The following DUSP22 variants were observed in gnomAD, a reference collection of about 807,000 sequenced individuals.
DUSP22 encodes the protein dual specificity protein phosphatase 22.
Under a neutral mutation model 24.5 loss-of-function variants are expected in DUSP22, and 24 were observed. That is an observed-to-expected ratio of 0.98 (90% CI 0.71 to 1.38). The LOEUF (loss-of-function observed/expected upper bound fraction) is 1.38, where lower values mean the gene tolerates loss of function less well. Among genes scored for constraint, DUSP22 ranks in the 40% most tolerant of loss-of-function variants. The pLI is 0.00. For missense variants in DUSP22, 330 were observed against 269.2 expected (o/e 1.23, Z -1.58); for synonymous variants, 160 against 106.4 (o/e 1.50, Z -3.10).
intron 2 of DUSP22, among the ~76,000 whole-genome samples, chr6:307,018 C>T (rs980789794): frequency 7.2e-5 from 11 of 152,306 alleles, no homozygotes; most frequent in Non-Finnish European, 1.2e-4. Context: ...CATGGGAGCC[C>T]GATCGATGCC....
chr6:348,537 A>C, intron 6 of DUSP22: 7 of 856,416 alleles, frequency 8.2e-6, no homozygotes, highest in Non-Finnish European at 1.2e-5. Context: ...TGGGTGACGT[A>C]CCATTTCCTT....
intron 3 of DUSP22, among the ~76,000 whole-genome samples, chr6:332,638 G>GTCC (rs1445445935): frequency 3.6e-4 from 52 of 143,684 alleles, no homozygotes; most frequent in African/African-American, 1.3e-3. Context: ...TTCTCTTCCT[G>GTCC]TCCTTCTTTT....
chr6:329,738 C>G (rs1356956216), intron 3 of DUSP22, among the ~76,000 whole-genome samples: 1 of 152,308 alleles, frequency 6.6e-6, no homozygotes, highest in African/African-American at 2.4e-5. Context: ...AGGCATGAGC[C>G]ACCATGCCCA....
Position 299,680 on chromosome 6 carries a change from T to C in DUSP22, c.22-4948T>C, listed in dbSNP as rs565946114. 2.0e-5 allele frequency among the ~76,000 whole-genome samples: 3 copies of C among 152,422 alleles called. No homozygotes were observed. The South Asian group carries it at 6.2e-4, about 32-fold the overall frequency. ...CTTCTCTTTACATTACTTAAAAATA[T>C]TTAAAATGTATGTAAAATACTCATC... On this transcript the variant is annotated intron_variant, in intron 1 of 6. Transcript: ENST00000419235.
At chr6:336,703 G>A (rs1759375428) in intron 4 of DUSP22, among the ~76,000 whole-genome samples, 1 of 152,306 alleles carries the variant, frequency 6.6e-6, no homozygotes. Flanking sequence ...ACAGAAAGGT[G>A]AACGTTTAAG....
intron 5 of DUSP22, among the ~76,000 whole-genome samples, chr6:347,223 T>A (rs1352155913): frequency 6.6e-6 from 1 of 152,308 alleles, no homozygotes; most frequent in East Asian, 1.9e-4. Flanking sequence ...CTCCTGGTAG[T>A]TCTAATCTAA....
At chr6:332,496 CT>C (rs1328671144) in intron 3 of DUSP22, among the ~76,000 whole-genome samples, 1 of 152,312 alleles carries the variant, frequency 6.6e-6, no homozygotes, top group East Asian at 1.9e-4. Flanking sequence ...TGAGTTGGTC[CT>C]TTTGCTCATC....
intron 4 of DUSP22, among the ~76,000 whole-genome samples, chr6:336,358 T>C (rs913184321): frequency 6.6e-6 from 1 of 152,306 alleles, no homozygotes; most frequent in Non-Finnish European, 1.5e-5. Flanking sequence ...GATTCCCCTT[T>C]TATGCCCCAA....
chr6:350,258 T>C lies in DUSP22; in HGVS notation c.*1307T>C, dbSNP rs1760132145. On this transcript the variant is annotated 3_prime_UTR_variant, in exon 7 of 7. Coordinates refer to ENST00000419235, the MANE Select transcript of DUSP22 (RefSeq NM_001286555.3). ...GGCTCCAGTAATGCTTTCTGGTGGGTAAAATTCCACATTCAGGCCACGAGA... is the reference window on the plus strand; with the variant it reads ...GGCTCCAGTAATGCTTTCTGGTGGGCAAAATTCCACATTCAGGCCACGAGA... The C allele has an allele frequency of 2.1e-5, 21 of 988,986 alleles. No individual in the cohort carries two copies. Among genetic ancestry groups the C allele is most frequent in the Non-Finnish European group, 2.5e-5 (21 of 832,426 alleles). The allele number at this position is 988,986 out of a possible 1,614,324, so 61.3% of individuals were successfully genotyped here.
chr6:324,422 C>G (rs535084316), intron 3 of DUSP22, among the ~76,000 whole-genome samples: 1 of 152,308 alleles, frequency 6.6e-6, no homozygotes, highest in South Asian at 2.1e-4. Flanking sequence ...CAGTGAGTGC[C>G]GCGGAGCACA....
intron 1 of DUSP22, among the ~76,000 whole-genome samples, chr6:301,084 T>TAGG (rs1266856226): frequency 6.6e-6 from 1 of 152,418 alleles, no homozygotes; most frequent in Non-Finnish European, 1.5e-5. Flanking sequence ...AGCAAAGGCT[T>TAGG]ACGTGAGCAG....
chr6:323,970 G>A (rs1581169657), intron 3 of DUSP22, among the ~76,000 whole-genome samples: 1 of 152,308 alleles, frequency 6.6e-6, no homozygotes, highest in Non-Finnish European at 1.5e-5. Context: ...ACTATGGAAT[G>A]GCTCCACCCT....
At chr6:296,214 T>C (rs369402584) in intron 1 of DUSP22, among the ~76,000 whole-genome samples, 499 of 152,250 alleles carry the variant, frequency 3.3e-3, no homozygotes, top group Middle Eastern at 0.014. Flanking sequence ...TGTTTGTGTG[T>C]GCAATTCCTA....
At position 348,443 on chromosome 6, in the gene DUSP22, C is replaced by T. The variant is rs2102545; in HGVS notation, c.435+169C>T. The T allele has an allele frequency of 2.2e-3, 2,532 of 1,160,620 alleles. 1 individual carries two copies. In the African/African-American group the frequency reaches 0.023, roughly 11 times the overall value. 71.9% of individuals were successfully genotyped at this position (1,160,620 alleles called of 1,614,324 possible). On this transcript the variant is annotated intron_variant, in intron 6 of 6. Coordinates refer to ENST00000419235, the MANE Select transcript of DUSP22 (RefSeq NM_001286555.3). Reference sequence around the variant, plus strand: ...CCCTTCAGAAGTCGTCACGATCCCTCGTGCACCTGTTGAAGCCACAGGCGC... The same window carrying T: ...CCCTTCAGAAGTCGTCACGATCCCTTGTGCACCTGTTGAAGCCACAGGCGC...
At chr6:334,935 G>A (rs1355218074) in intron 3 of DUSP22, among the ~76,000 whole-genome samples, 179 bp from the exon 4 acceptor site, 6 of 152,306 alleles carry the variant, frequency 3.9e-5, no homozygotes, top group Non-Finnish European at 8.8e-5. Flanking sequence ...GCATGGTCAC[G>A]GAAAATAACC....
At position 335,188 on chromosome 6, in the gene DUSP22, T is replaced by C. The variant is rs781374092; in HGVS notation, c.188+25T>C. 1.9e-6 allele frequency: 3 copies of C among 1,610,352 alleles called. No homozygotes were observed. In the South Asian group the frequency reaches 3.3e-5, roughly 18 times the overall value. ...TGTAAGTTTCTTATTTCTGTATTAT[T>C]TGGAGACATTTAAAAAAATGAATAG... is the stretch of plus-strand genomic sequence containing the variant. On this transcript the variant is annotated intron_variant, in intron 4 of 6. Coordinates refer to ENST00000419235, the MANE Select transcript of DUSP22 (RefSeq NM_001286555.3).
At chr6:345,594 G>A (rs956153924) in intron 4 of DUSP22, among the ~76,000 whole-genome samples, 35 of 152,292 alleles carry the variant, frequency 2.3e-4, no homozygotes, top group Non-Finnish European at 4.4e-4. Context: ...TACAAGAGAA[G>A]CTTTTGAATG....
intron 1 of DUSP22, among the ~76,000 whole-genome samples, chr6:297,415 G>C (rs1380180486): frequency 1.3e-5 from 2 of 152,308 alleles, no homozygotes; most frequent in Non-Finnish European, 2.9e-5. Context: ...CTGTTAGGAA[G>C]ATGAGGGAGT....
At position 348,780 on chromosome 6, in the gene DUSP22, G is replaced by C. The variant is rs745853692; in HGVS notation, c.447G>C (p.Trp149Cys). ...TCCATCCTCTCCAGTATCGGCAGTG[G>C]CTGAAGGAAGAATATGGAGAGAGCC... ...EKHEVHQYRQ[W>C]LKEEYGESPL... Residue 149 changes from tryptophan to cysteine, a missense_variant, in exon 7 of 7, where the codon TGG becomes TGC. By Grantham distance (215) the Trp-to-Cys change is radical. Coordinates refer to ENST00000419235, the MANE Select transcript of DUSP22 (RefSeq NM_001286555.3). The C allele has an allele frequency of 1.9e-6, 3 of 1,614,300 alleles. No homozygotes were observed. The highest frequency in any genetic ancestry group is 2.5e-6 in the Non-Finnish European group (3 of 1,180,046).
Sources: gnomAD v4.1 joint callset for allele counts (sites outside exome capture counted in the v4.1 genomes callset) on GRCh38, gnomAD v4.1.1 for gene constraint, MANE v1.5 for transcripts, NCBI Gene and HGNC (gene_info 2026-07-23, HGNC 2026-07-21) for gene names.